The following C18orf63 variants were observed in gnomAD, a reference collection of about 807,000 sequenced individuals.
C18orf63 encodes chromosome 18 open reading frame 63, also known as uncharacterized protein C18orf63.
C18orf63 carries 50 observed loss-of-function variants against 75.3 expected under a neutral mutation model. The observed-to-expected ratio is 0.66, with a 90% CI of 0.53 to 0.84. The LOEUF (loss-of-function observed/expected upper bound fraction) is 0.84. Among genes scored for constraint, C18orf63 ranks in the 40% least tolerant of loss-of-function variants. The pLI is 0.00. For missense variants in C18orf63, 732 were observed against 800.2 expected, an observed-to-expected ratio of 0.91 and a Z score of 1.03; for synonymous variants, 232 against 267.6, an observed-to-expected ratio of 0.87 and a Z score of 1.30.
chr18:74,353,415 C>T lies in C18orf63; in HGVS notation c.1148C>T (p.Ser383Leu). The change falls in exon 12 of 14, where the codon TCA becomes TTA. Residue 383 changes from serine (S) to leucine (L), a missense_variant. Ser to Leu is a moderately radical substitution (Grantham distance 145, BLOSUM62 -2). This residue lies in a region of C18orf63 where 495 missense variants were observed against 508.7 expected (regional missense o/e 0.97). Coordinates refer to ENST00000579455, the MANE Select transcript of C18orf63 (RefSeq NM_001174123.2). ...SVSQPTSGIFSALHLQPESVQ... is the reference protein window; with the variant it reads ...SVSQPTSGIFLALHLQPESVQ... The stretch of plus-strand genomic sequence containing the variant: ...AGCCAGCCAACATCAGGCATTTTCT[C>T]AGCTTTGCATCTCCAGCCAGAGTCT... 1 of 1,536,346 alleles carries T rather than the reference C, an allele frequency of 6.5e-7. No individual in the cohort carries two copies. The highest frequency in any genetic ancestry group is 8.7e-7 in the Non-Finnish European group (1 of 1,146,950).
chr18:74,328,233 G>A (rs925419062), intron 5 of C18orf63, among the ~76,000 whole-genome samples, 175 bp downstream of exon 5: 3 of 152,124 alleles, frequency 2.0e-5, no homozygotes, highest in East Asian at 1.9e-4. Context: ...CAATCATGGC[G>A]GAAGATGAAG....
chr18:74,328,045 T>A lies in C18orf63; in HGVS notation c.369T>A (p.His123Gln), dbSNP rs1309941081. 1.3e-6 allele frequency: 2 copies of A among 1,526,118 alleles called. No individual in the cohort carries two copies. Among genetic ancestry groups the A allele is most frequent in the Non-Finnish European group, 1.8e-6 (2 of 1,137,908 alleles). The allele number at this position is 1,526,118 out of a possible 1,614,324, so 94.5% of individuals were successfully genotyped here. A position where few individuals can be genotyped will look rare whatever the true frequency, so the allele number is the denominator to read the frequency against. The change falls in exon 5 of 14, where the codon CAT (histidine) becomes CAA (glutamine). Residue 123 changes from histidine to glutamine, a missense_variant. His to Gln is a conservative substitution (Grantham distance 24). Around this residue, in one of 3 missense-constraint regions of C18orf63, gnomAD observed 233 missense variants for 272.7 expected, o/e 0.85. Coordinates refer to ENST00000579455, the MANE Select transcript of C18orf63 (RefSeq NM_001174123.2). ...CTCCAGCCTGGAATAGAACTGGTCA[T>A]CTCTTGATACAAGGTAACTTTATCT... ...RLAPAWNRTG[H>Q]LLIQGRDFLS...
rs937618087 is a variant in C18orf63 at position 74,322,421 on chromosome 18, G to A, written c.214-277G>A. On this transcript the variant is annotated intron_variant, in intron 3 of 13. Transcript: ENST00000579455. Reference sequence around the variant, plus strand: ...CTAAGAATTCTATATTAAGAAAGGCGTTAAATATTGATTATACAAAATTTA... The same window carrying A: ...CTAAGAATTCTATATTAAGAAAGGCATTAAATATTGATTATACAAAATTTA... Among the ~76,000 whole-genome samples the A allele has an allele frequency of 3.9e-5, 6 of 152,052 alleles. No individual in the cohort carries two copies. The South Asian group carries it at 6.2e-4, about 16-fold the overall frequency.
At chr18:74,320,663 T>C in intron 3 of C18orf63, 72 bp downstream of exon 3, 1 of 889,518 alleles carries the variant, frequency 1.1e-6, no homozygotes, top group Non-Finnish European at 1.7e-6. Context: ...AATTTAGGTA[T>C]TATAGCTAAA....
intron 11 of C18orf63, among the ~76,000 whole-genome samples, chr18:74,350,528 G>A (rs573053865): frequency 4.6e-5 from 7 of 152,230 alleles, no homozygotes; most frequent in East Asian, 3.9e-4. Flanking sequence ...TCTACAAGCC[G>A]AGGAAACAGG....
chr18:74,321,202 A>G (rs1984114702), intron 3 of C18orf63, among the ~76,000 whole-genome samples: 1 of 152,176 alleles, frequency 6.6e-6, no homozygotes, highest in African/African-American at 2.4e-5. Context: ...GCATTTATTG[A>G]CAATGCTGAT....
chr18:74,346,257 G>T (rs112968408), intron 11 of C18orf63, among the ~76,000 whole-genome samples: 41 of 152,130 alleles, frequency 2.7e-4, no homozygotes, highest in African/African-American at 9.6e-4. Context: ...AATACATTAT[G>T]ACCTGTCAGT....
At chr18:74,343,391 A>G in intron 10 of C18orf63, 128 bp from the exon 11 acceptor site, 1 of 551,598 alleles carries the variant, frequency 1.8e-6, no homozygotes, top group Non-Finnish European at 3.1e-6. Context: ...CAGATAAGCA[A>G]TATAAAAGAG....
chr18:74,352,816 T>A (rs1984689999), intron 11 of C18orf63, among the ~76,000 whole-genome samples: 1 of 152,218 alleles, frequency 6.6e-6, no homozygotes, highest in Non-Finnish European at 1.5e-5. Context: ...TATTATTTAA[T>A]TGATAGCAGA....
intron 3 of C18orf63, 49 bp from the exon 4 acceptor site, chr18:74,322,649 A>T: frequency 1.8e-6 from 1 of 542,090 alleles, no homozygotes; most frequent in East Asian, 3.4e-5. Flanking sequence ...TTATTTAATT[A>T]TATATATATA....
chr18:74,317,863 A>T lies in C18orf63; in HGVS notation c.-3A>T, dbSNP rs1400943156. 35 of 1,522,106 alleles carry T rather than the reference A, an allele frequency of 2.3e-5. No homozygotes were observed. Among genetic ancestry groups the T allele is most frequent in the Admixed American group, 6.2e-5 (3 of 48,112 alleles). 94.3% of individuals were successfully genotyped at this position (1,522,106 alleles called of 1,614,324 possible). ...GATTGCTGAGACACTCAGTCAGGAA[A>T]GTATGAATGATTCTAGGCAGCAGTC... On this transcript the variant is annotated 5_prime_UTR_variant, in exon 2 of 14. The change creates a new upstream start codon in the 5' untranslated region. Coordinates refer to ENST00000579455, the MANE Select transcript of C18orf63 (RefSeq NM_001174123.2).
At chr18:74,318,153 T>C (rs1984058178) in intron 2 of C18orf63, among the ~76,000 whole-genome samples, 154 bp downstream of exon 2, 1 of 152,234 alleles carries the variant, frequency 6.6e-6, no homozygotes, top group South Asian at 2.1e-4. Context: ...TGACCAGGTA[T>C]ATTGGATTAT....
Position 74,342,082 on chromosome 18 carries a change from G to T in C18orf63, c.662G>T (p.Cys221Phe). The change falls in exon 9 of 14, where the codon TGT (cysteine) becomes TTT (phenylalanine). Residue 221 changes from cysteine (C) to phenylalanine (F), a missense_variant. By Grantham distance (205) the Cys-to-Phe change is radical (BLOSUM62 -2). Transcript: ENST00000579455. Reference protein sequence around the residue: ...INIFHAIPAACPFHSYGDFQR... With the variant: ...INIFHAIPAAFPFHSYGDFQR... Reference sequence around the variant, plus strand: ...ATTTTTCATGCCATCCCCGCTGCCTGTCCTTTTCACTCATATGGAGATTTC... The same window carrying T: ...ATTTTTCATGCCATCCCCGCTGCCTTTCCTTTTCACTCATATGGAGATTTC... The T allele has an allele frequency of 6.5e-7, 1 of 1,529,638 alleles. No homozygotes were observed. Among genetic ancestry groups the T allele is most frequent in the Non-Finnish European group, 8.8e-7 (1 of 1,141,554 alleles). The allele number at this position is 1,529,638 out of a possible 1,614,324, so 94.8% of individuals were successfully genotyped here. A position where few individuals can be genotyped will look rare whatever the true frequency, so the allele number is the denominator to read the frequency against.
chr18:74,319,411 A>G (rs1700974047), intron 2 of C18orf63, among the ~76,000 whole-genome samples: 2 of 151,726 alleles, frequency 1.3e-5, no homozygotes, highest in South Asian at 4.2e-4. Context: ...TTTTAAGGTA[A>G]CCCCATACAC....
In C18orf63 at chr18:74,353,162, T is replaced by C. The variant is rs1199661882; in HGVS notation, c.979-84T>C. ...CATAGTGTTGCTTTATATTCTTATT[T>C]GGATGATACTTTATATTTTATTTCT... On this transcript the variant is annotated intron_variant, in intron 11 of 13. Coordinates refer to ENST00000579455, the MANE Select transcript of C18orf63 (RefSeq NM_001174123.2). 4.4e-6 allele frequency: 4 copies of C among 917,152 alleles called. No homozygotes were observed. The African/African-American group carries it at 5.0e-5, about 11-fold the overall frequency. The allele number at this position is 917,152 out of a possible 1,614,324, so 56.8% of individuals were successfully genotyped here. A position where few individuals can be genotyped will look rare whatever the true frequency, so the allele number is the denominator to read the frequency against.
intron 7 of C18orf63, among the ~76,000 whole-genome samples, chr18:74,332,028 A>G (rs1482818369): frequency 6.6e-6 from 1 of 152,152 alleles, no homozygotes; most frequent in Non-Finnish European, 1.5e-5. Context: ...GAACCTTCCC[A>G]AGGTTCCAAA....
chr18:74,353,998 AAC>A lies in C18orf63; in HGVS notation c.1735_1736del (p.Gln579AsnfsTer19), dbSNP rs1984718845. The A allele has an allele frequency of 1.3e-6, 2 of 1,536,352 alleles. No individual in the cohort carries two copies. Among genetic ancestry groups the A allele is most frequent in the Non-Finnish European group, 1.7e-6 (2 of 1,146,972 alleles). ...GKENLTGKGI[T>X]QILGKSHGSL... is the part of the protein sequence containing the mutation. ...AAGAAAATTTAACAGGCAAAGGTAT[AAC>A]ACAAATTTTAGGGAAAAGCCATGGG... is the stretch of plus-strand genomic sequence containing the variant. On this transcript the variant is annotated frameshift_variant, in exon 12 of 14. Coordinates refer to ENST00000579455, the MANE Select transcript of C18orf63 (RefSeq NM_001174123.2). LOFTEE classifies it high-confidence loss of function.
At chr18:74,345,204 C>A (rs1190192747) in intron 11 of C18orf63, among the ~76,000 whole-genome samples, 2 of 149,944 alleles carry the variant, frequency 1.3e-5, no homozygotes, top group African/African-American at 4.9e-5. Context: ...GCCATTCTTT[C>A]ATTTTTCTAC....
intron 4 of C18orf63, among the ~76,000 whole-genome samples, 189 bp downstream of exon 4, chr18:74,322,943 T>C (rs1599000575): frequency 6.6e-6 from 1 of 152,136 alleles, no homozygotes; most frequent in South Asian, 2.1e-4. Flanking sequence ...AGAAGAGGCT[T>C]TTTTGTTGGA....
Sources: gnomAD v4.1 joint callset for allele counts (sites outside exome capture counted in the v4.1 genomes callset) on GRCh38, gnomAD v4.1.1 for gene constraint, gnomAD v4.1.1 regional missense constraint, MANE v1.5 for transcripts, NCBI Gene and HGNC (gene_info 2026-07-23, HGNC 2026-07-21) for gene names.